The following STARD9 variants were observed in gnomAD, a reference collection of about 807,000 sequenced individuals.
STARD9 encodes stAR-related lipid transfer protein 9.
Under a neutral mutation model 399.8 loss-of-function variants are expected in STARD9, and 346 were observed. The ratio of observed to expected loss-of-function variants is 0.87; its 90% CI spans 0.79 to 0.95. The LOEUF (loss-of-function observed/expected upper bound fraction) is 0.95, where lower values mean the gene tolerates loss of function less well. Ranked by LOEUF, STARD9 falls within the 40% of genes least tolerant of loss-of-function variation. STARD9 has a pLI of 0.00. For missense variants in STARD9, 5,832 were observed against 5,667.5 expected (o/e 1.03, Z -0.93); for synonymous variants, 2,203 against 2,143.5 (o/e 1.03, Z -0.77).
At chr15:42,652,460 C>T (rs1480678506) in intron 8 of STARD9, 60 bp from the exon 9 acceptor site, 1 of 1,392,580 alleles carries the variant, frequency 7.2e-7, no homozygotes, top group Non-Finnish European at 9.8e-7. Context: ...TGTATGGATC[C>T]TTAAGAATCC....
chr15:42,616,176 G>A (rs2058959246), intron 3 of STARD9, among the ~76,000 whole-genome samples: 1 of 152,168 alleles, frequency 6.6e-6, no homozygotes, highest in Non-Finnish European at 1.5e-5. Context: ...AGGTTAATAT[G>A]TGCAATGAAA....
chr15:42,601,030 G>A (rs2058611890), intron 3 of STARD9, among the ~76,000 whole-genome samples: 1 of 152,074 alleles, frequency 6.6e-6, no homozygotes, highest in Non-Finnish European at 1.5e-5. Flanking sequence ...AGCAGTGTTT[G>A]TGTCCCTGGG....
Position 42,718,010 on chromosome 15 carries a change from C to T in STARD9, c.13593C>T (p.Tyr4531=). The T allele has an allele frequency of 6.5e-7, 1 of 1,537,224 alleles. No individual in the cohort carries two copies. The highest frequency in any genetic ancestry group is 1.2e-5 in the South Asian group (1 of 84,058). ...GTGAGGAGCAGGCGGTGCAGCTTTA[C>T]TACAAGGTGTTTTCTCCCACTCGGC... ...YQGEEQAVQL[Y]YKVFSPTRHG... is the part of the protein sequence containing the mutation. Residue 4531 remains tyrosine (Y), a synonymous_variant, in exon 30 of 33, where the codon TAC becomes TAT. Transcript: ENST00000290607.
At chr15:42,682,972 C>T (rs2060467195) in intron 22 of STARD9, among the ~76,000 whole-genome samples, 1 of 152,192 alleles carries the variant, frequency 6.6e-6, no homozygotes, top group South Asian at 2.1e-4. Flanking sequence ...TCTCCCTCCT[C>T]GACCTGCCAC....
Position 42,718,067 on chromosome 15 carries a change from G to T in STARD9, c.13650G>T (p.Gln4550His). Reference sequence around the variant, plus strand: ...TCCTGGGGGCAGGTGTGGTGTCCCAGCCGCTGTCTCGTGTGTGGGCGGCTG... The same window carrying T: ...TCCTGGGGGCAGGTGTGGTGTCCCATCCGCTGTCTCGTGTGTGGGCGGCTG... ...HGFLGAGVVS[Q>H]PLSRVWAAVS... Residue 4550 changes from glutamine to histidine, a missense_variant, in exon 30 of 33, where the codon CAG becomes CAT. Gln to His is a conservative substitution (Grantham distance 24, BLOSUM62 0). Around this residue, in one of 2 missense-constraint regions of STARD9, gnomAD observed 5,828 missense variants for 5,651.1 expected, o/e 1.03. Coordinates refer to ENST00000290607, the MANE Select transcript of STARD9 (RefSeq NM_020759.3). 6.5e-7 allele frequency: 1 copy of T among 1,537,208 alleles called. No homozygotes were observed. The highest frequency in any genetic ancestry group is 8.7e-7 in the Non-Finnish European group (1 of 1,146,902).
At chr15:42,695,388 C>G in intron 25 of STARD9, 65 bp downstream of exon 25, 5 of 1,396,326 alleles carry the variant, frequency 3.6e-6, no homozygotes, top group Non-Finnish European at 4.8e-6. Context: ...ACACCTTCAC[C>G]GTGGCCGCCT....
intron 3 of STARD9, among the ~76,000 whole-genome samples, chr15:42,611,909 T>G (rs1248625509): frequency 6.6e-6 from 1 of 152,202 alleles, no homozygotes; most frequent in Non-Finnish European, 1.5e-5. Context: ...GGTACCTCTC[T>G]CCTGTCAAGA....
intron 16 of STARD9, chr15:42,671,850 C>T (rs1195464165): frequency 6.6e-6 from 1 of 152,170 alleles, no homozygotes; most frequent in African/African-American, 2.4e-5. Flanking sequence ...CCATGTTGGC[C>T]AGGCTGGTCT....
At chr15:42,658,039 T>C (rs4924691) in intron 9 of STARD9, among the ~76,000 whole-genome samples, 39,532 of 152,136 alleles carry the variant, frequency 0.26, 5,863 homozygotes, top group African/African-American at 0.39. Context: ...AGGAGAACCT[T>C]TGTGATTCTT....
At position 42,692,456 on chromosome 15, in the gene STARD9, A is replaced by C; in HGVS notation, c.10878A>C (p.Ala3626=). ...DEIMLLYPSE[A]GCPVGQTRTN... Reference sequence around the variant, plus strand: ...TTATGCTGCTGTATCCATCAGAGGCAGGCTGCCCTGTGGGACAGACCAGGA... The same window carrying C: ...TTATGCTGCTGTATCCATCAGAGGCCGGCTGCCCTGTGGGACAGACCAGGA... Residue 3626 remains alanine, a synonymous_variant, in exon 23 of 33, where the codon GCA becomes GCC. Transcript: ENST00000290607. The C allele has an allele frequency of 6.5e-7, 1 of 1,537,144 alleles. No individual in the cohort carries two copies. The highest frequency in any genetic ancestry group is 1.2e-5 in the South Asian group (1 of 84,066).
intron 3 of STARD9, among the ~76,000 whole-genome samples, chr15:42,587,084 C>G (rs1233403878): frequency 6.6e-6 from 1 of 152,014 alleles, no homozygotes. Flanking sequence ...TTGAACTCCT[C>G]AGCTCAAGCA....
intron 7 of STARD9, among the ~76,000 whole-genome samples, chr15:42,639,892 T>C (rs2059499616): frequency 6.6e-6 from 1 of 152,168 alleles, no homozygotes; most frequent in Non-Finnish European, 1.5e-5. Flanking sequence ...ATGTATATTT[T>C]ATGTTCCTGT....
At position 42,686,129 on chromosome 15, in the gene STARD9, T is replaced by A; in HGVS notation, c.4551T>A (p.Ser1517=). The change falls in exon 23 of 33, where the codon TCT becomes TCA. Residue 1517 remains serine (S), a synonymous_variant. Coordinates refer to ENST00000290607, the MANE Select transcript of STARD9 (RefSeq NM_020759.3). ...KPAYPYLEED[S]GSLAQASSKG... ...CTTACCCCTACCTTGAGGAAGACTCTGGTTCCCTGGCCCAAGCTTCTAGCA... is the reference window on the plus strand; with the variant it reads ...CTTACCCCTACCTTGAGGAAGACTCAGGTTCCCTGGCCCAAGCTTCTAGCA... 4 of 1,537,294 alleles carry A rather than the reference T, an allele frequency of 2.6e-6. No homozygotes were observed.
At position 42,719,495 on chromosome 15, in the gene STARD9, T is replaced by G; in HGVS notation, c.14024T>G (p.Phe4675Cys). The G allele has an allele frequency of 6.5e-7, 1 of 1,537,104 alleles. No homozygotes were observed. The highest frequency in any genetic ancestry group is 2.0e-5 in the Admixed American group (1 of 51,000). The change falls in exon 33 of 33, where the codon TTC (phenylalanine) becomes TGC (cysteine). Residue 4675 changes from phenylalanine to cysteine, a missense_variant. By Grantham distance (205) the Phe-to-Cys change is radical (BLOSUM62 -2). Coordinates refer to ENST00000290607, the MANE Select transcript of STARD9 (RefSeq NM_020759.3). ...LAQVELGAPG[F>C]PPQLLSSFIK... ...CAGGTGGAACTTGGTGCTCCAGGCT[T>G]CCCACCTCAGCTCCTGAGCTCTTTC... is the stretch of plus-strand genomic sequence containing the variant.
At chr15:42,606,267 C>T (rs1355461001) in intron 3 of STARD9, among the ~76,000 whole-genome samples, 2 of 152,204 alleles carry the variant, frequency 1.3e-5, no homozygotes, top group Non-Finnish European at 2.9e-5. Flanking sequence ...ATCCTGCTAC[C>T]TTTGCACTCC....
intron 7 of STARD9, among the ~76,000 whole-genome samples, chr15:42,639,478 C>G (rs2059489984): frequency 6.6e-6 from 1 of 152,108 alleles, no homozygotes; most frequent in African/African-American, 2.4e-5. Flanking sequence ...TACCATCTGT[C>G]TTATATCATT....
chr15:42,646,012 T>C (rs2059638389), intron 7 of STARD9, among the ~76,000 whole-genome samples: 1 of 151,946 alleles, frequency 6.6e-6, no homozygotes, highest in African/African-American at 2.4e-5. Context: ...AATACAAAAA[T>C]TAGCCAGACG....
At chr15:42,596,928 G>C (rs2058518188) in intron 3 of STARD9, among the ~76,000 whole-genome samples, 1 of 152,018 alleles carries the variant, frequency 6.6e-6, no homozygotes, top group South Asian at 2.1e-4. Context: ...TTCTCTAAAC[G>C]TAACCATTGT....
chr15:42,599,028 A>G (rs763504690), intron 3 of STARD9, among the ~76,000 whole-genome samples: 1 of 152,022 alleles, frequency 6.6e-6, no homozygotes, highest in Non-Finnish European at 1.5e-5. Context: ...GGTTCAAATG[A>G]TTCTCCTGCC....
Sources: allele counts gnomAD v4.1 joint callset (sites outside exome capture counted in the v4.1 genomes callset), GRCh38; gene constraint gnomAD v4.1.1; regional missense constraint gnomAD v4.1.1; transcripts MANE v1.5; gene names NCBI Gene and HGNC (gene_info 2026-07-23, HGNC 2026-07-21).